DDX39A: variants seen among roughly 807,000 people sequenced by gnomAD.
DDX39A encodes ATP-dependent RNA helicase DDX39A.
A neutral mutation model predicts 46.3 loss-of-function variants in DDX39A; 13 were observed. The ratio of observed to expected loss-of-function variants is 0.28; its 90% CI spans 0.18 to 0.45. The LOEUF is 0.45. DDX39A is among the 20% of genes least tolerant of loss of function. The probability of loss-of-function intolerance (pLI) is 1.00; values close to 1 mark genes in which losing one functional copy is unlikely to be tolerated. For synonymous variants in DDX39A, 234 were observed against 224.6 expected, an observed-to-expected ratio of 1.04 and a Z score of -0.38; for missense variants, 352 against 581.8, an observed-to-expected ratio of 0.61 and a Z score of 4.06.
intron 1 of DDX39A, among the ~76,000 whole-genome samples, chr19:14,418,216 A>C (rs1266237859): frequency 6.6e-6 from 1 of 151,432 alleles, no homozygotes; most frequent in Non-Finnish European, 1.5e-5. Flanking sequence ...ACCGGGCTGG[A>C]CAGGATCTAA....
In DDX39A at chr19:14,409,547, G is replaced by C; in HGVS notation, c.963C>G (p.Ala321=). 6.2e-7 allele frequency: 1 copy of C among 1,609,604 alleles called. No individual in the cohort carries two copies. The highest frequency in any genetic ancestry group is 8.5e-7 in the Non-Finnish European group (1 of 1,178,630). The change falls in exon 8 of 11, where the codon GCC becomes GCG. Residue 321 remains alanine, a synonymous_variant. Transcript: ENST00000242776. This position sits in a 1 kb window ranked among gnomAD's most constrained non-coding sequence, Gnocchi z 8.3. ...CGGCTCGCACTCACCGCTCCTCCTG[G>C]GCCATGCCCCGGTGGATGGCGATGG... The part of the protein sequence containing the change: ...FPAIAIHRGM[A]QEERLSRYQQ...
At chr19:14,413,503 AATCCC>A (rs1339007766) in intron 1 of DDX39A, among the ~76,000 whole-genome samples, 2 of 151,858 alleles carry the variant, frequency 1.3e-5, no homozygotes, top group Non-Finnish European at 2.9e-5. Flanking sequence ...CAGGCCAGGC[AATCCC>A]CTTGGTTTGA....
rs1337280274 is a variant in DDX39A at position 14,409,836 on chromosome 19, G to C, written c.770C>G (p.Thr257Arg). Reference protein sequence around the residue: ...EVFVDDETKLTLHGLQQYYVK... With the variant: ...EVFVDDETKLRLHGLQQYYVK... ...GTAGTACTGCTGCAGGCCGTGCAGC[G>C]TGAGCTTGGTCTCGTCGTCCACAAA... The change falls in exon 7 of 11, where the codon ACG (threonine) becomes AGG (arginine). Residue 257 changes from threonine (T) to arginine (R), a missense_variant. Thr to Arg is a moderately conservative substitution (Grantham distance 71). Around this residue, in one of 3 missense-constraint regions of DDX39A, gnomAD observed 301 missense variants for 469.9 expected, o/e 0.64. Coordinates refer to ENST00000242776, the MANE Select transcript of DDX39A (RefSeq NM_005804.4). This position sits in a 1 kb window ranked among gnomAD's most constrained non-coding sequence, Gnocchi z 8.3. 1 of 1,614,126 alleles carries C rather than the reference G, an allele frequency of 6.2e-7. No individual in the cohort carries two copies. Among genetic ancestry groups the C allele is most frequent in the African/African-American group, 1.3e-5 (1 of 75,062 alleles).
chr19:14,418,874 C>T (rs1230801785), intron 1 of DDX39A: 5 of 455,982 alleles, frequency 1.1e-5, no homozygotes, highest in African/African-American at 4.0e-5. Flanking sequence ...CAAAGAAACC[C>T]CTGACAACTG....
intron 1 of DDX39A, chr19:14,414,031 A>G (rs1408471149): frequency 1.3e-5 from 2 of 152,038 alleles, no homozygotes; most frequent in Non-Finnish European, 2.9e-5. Flanking sequence ...GGTGCAAGGG[A>G]CCCAAACATG....
In DDX39A at chr19:14,410,557, C is replaced by T. The variant is rs973666201; in HGVS notation, c.614-223G>A. On this transcript the variant is annotated intron_variant, in intron 5 of 10. Transcript: ENST00000242776. The surrounding 1 kb of genome is among the most constrained non-coding windows in gnomAD (Gnocchi z 4.3). Reference sequence around the variant, plus strand: ...GCTGCAATCCACTTACACGCTGGCGCGGAGCAGCCGTGCCCGTGCGCCTCG... The same window carrying T: ...GCTGCAATCCACTTACACGCTGGCGTGGAGCAGCCGTGCCCGTGCGCCTCG... The T allele has an allele frequency of 5.3e-5, 30 of 568,890 alleles. No homozygotes were observed. The East Asian group carries it at 5.4e-4, about 10-fold the overall frequency. 35.2% of individuals were successfully genotyped at this position (568,890 alleles called of 1,614,324 possible).
rs865850947 is a variant in DDX39A at position 14,409,100 on chromosome 19, C to T, written c.1204G>A (p.Val402Ile). ...DENDAKILND[V>I]QDRFEVNVAE... ...ACATTAACTTCAAACCGGTCCTGGA[C>T]GTCATTGAGGATTTTGGCATCATTC... Residue 402 changes from valine to isoleucine, a missense_variant, in exon 10 of 11, where the codon GTC becomes ATC. This residue lies in a region of DDX39A where 301 missense variants were observed against 469.9 expected (regional missense o/e 0.64). Transcript: ENST00000242776. The surrounding 1 kb of genome is among the most constrained non-coding windows in gnomAD (Gnocchi z 8.3). The T allele has an allele frequency of 6.8e-6, 11 of 1,614,088 alleles. No homozygotes were observed. Among genetic ancestry groups the T allele is most frequent in the Non-Finnish European group, 7.6e-6 (9 of 1,180,042 alleles).
In DDX39A at chr19:14,413,051, C is replaced by A. The variant is rs1976658248; in HGVS notation, c.170G>T (p.Arg57Leu). ...CTCAAAGCCACAGTCCACGATGGCC[C>A]GCAGGAGCTCCGGCTTCAGCAGAAA... Reference protein sequence around the residue: ...RDFLLKPELLRAIVDCGFEHP... With the variant: ...RDFLLKPELLLAIVDCGFEHP... The change falls in exon 2 of 11, where the codon CGG (arginine) becomes CTG (leucine). Residue 57 changes from arginine (R) to leucine (L), a missense_variant. Transcript: ENST00000242776. 1 of 1,614,166 alleles carries A rather than the reference C, an allele frequency of 6.2e-7. No individual in the cohort carries two copies. The highest frequency in any genetic ancestry group is 8.5e-7 in the Non-Finnish European group (1 of 1,180,014).
At chr19:14,413,315 G>C in intron 1 of DDX39A, 91 bp from the exon 2 acceptor site, 1 of 1,189,898 alleles carries the variant, frequency 8.4e-7, no homozygotes, top group Non-Finnish European at 1.2e-6. Flanking sequence ...CTCCTTCCAT[G>C]AGTGAGCCCA....
intron 1 of DDX39A, among the ~76,000 whole-genome samples, chr19:14,416,915 T>G (rs941732336): frequency 8.5e-5 from 13 of 152,234 alleles, no homozygotes; most frequent in Admixed American, 8.5e-4. Context: ...ACTCCTGGAC[T>G]CAAGCAAACC....
At chr19:14,419,064 C>A (rs897019567) in intron 1 of DDX39A, 1 of 446,384 alleles carries the variant, frequency 2.2e-6, no homozygotes, top group Non-Finnish European at 4.5e-6. Context: ...CCGAGCACCG[C>A]GCGCCAACGG....
intron 1 of DDX39A, among the ~76,000 whole-genome samples, chr19:14,417,344 G>A (rs186252745): frequency 1.3e-5 from 2 of 152,186 alleles, no homozygotes; most frequent in Non-Finnish European, 2.9e-5. Flanking sequence ...GGGCAGGCCC[G>A]GCATGGTGCC....
intron 1 of DDX39A, among the ~76,000 whole-genome samples, chr19:14,417,159 G>A (rs533186377): frequency 6.6e-6 from 1 of 152,280 alleles, no homozygotes; most frequent in Non-Finnish European, 1.5e-5. Context: ...CAGGGTAGGG[G>A]CGTGAGGTAA....
Position 14,410,450 on chromosome 19 carries a change from G to T in DDX39A, c.614-116C>A. ...GCCAGGGAGCCAGTGGCACCGTGAC[G>T]AGGGCAGAGTGAGCCGCGGGAGTGG... On this transcript the variant is annotated intron_variant, in intron 5 of 10. Transcript: ENST00000242776. The surrounding 1 kb of genome is among the most constrained non-coding windows in gnomAD (Gnocchi z 4.3). 1 of 915,950 alleles carries T rather than the reference G, an allele frequency of 1.1e-6. No homozygotes were observed. Among genetic ancestry groups the T allele is most frequent in the Non-Finnish European group, 1.7e-6 (1 of 573,606 alleles). 56.7% of individuals were successfully genotyped at this position (915,950 alleles called of 1,614,324 possible).
Position 14,411,651 on chromosome 19 carries a change from T to G in DDX39A, c.337-53A>C. The G allele has an allele frequency of 6.5e-7, 1 of 1,531,688 alleles. No individual in the cohort carries two copies. The highest frequency in any genetic ancestry group is 9.0e-7 in the Non-Finnish European group (1 of 1,110,742). 94.9% of individuals were successfully genotyped at this position (1,531,688 alleles called of 1,614,324 possible). A position where few individuals can be genotyped will look rare whatever the true frequency, so the allele number is the denominator to read the frequency against. ...TACCTTAGGCAGTGTCCTAAACCCC[T>G]TCCCCACCAGAGTCCACCCAACCCA... On this transcript the variant is annotated intron_variant, in intron 3 of 10. Coordinates refer to ENST00000242776, the MANE Select transcript of DDX39A (RefSeq NM_005804.4). The surrounding 1 kb of genome is among the most constrained non-coding windows in gnomAD (Gnocchi z 4.1).
In DDX39A at chr19:14,411,711, T is replaced by C; in HGVS notation, c.337-113A>G. 2 of 911,328 alleles carry C rather than the reference T, an allele frequency of 2.2e-6. No individual in the cohort carries two copies. Among genetic ancestry groups the C allele is most frequent in the Non-Finnish European group, 3.5e-6 (2 of 577,844 alleles). 56.5% of individuals were successfully genotyped at this position (911,328 alleles called of 1,614,324 possible). On this transcript the variant is annotated intron_variant, in intron 3 of 10. Transcript: ENST00000242776. This position sits in a 1 kb window ranked among gnomAD's most constrained non-coding sequence, Gnocchi z 4.1. ...ACACTGCACCCAACATCACAGGCCA[T>C]TTGAAGGCCCGGTCCAAATGCCTCC...
chr19:14,413,321 G>T, intron 1 of DDX39A, 97 bp from the exon 2 acceptor site: 1 of 1,128,304 alleles, frequency 8.9e-7, no homozygotes, highest in Non-Finnish European at 1.3e-6. Context: ...CCATGAGTGA[G>T]CCCATCAGCT....
In DDX39A at chr19:14,412,942, G is replaced by A. The variant is rs1407867898; in HGVS notation, c.208+71C>T. On this transcript the variant is annotated intron_variant, in intron 2 of 10. Coordinates refer to ENST00000242776, the MANE Select transcript of DDX39A (RefSeq NM_005804.4). This position sits in a 1 kb window ranked among gnomAD's most constrained non-coding sequence, Gnocchi z 4.4. ...CCCACGGCAAACTGGAGGCGGCACC[G>A]CTCTGGGCGGGCAGGGCTGGTCTTG... The A allele has an allele frequency of 1.5e-5, 23 of 1,527,114 alleles. No homozygotes were observed. The highest frequency in any genetic ancestry group is 2.0e-5 in the Non-Finnish European group (22 of 1,122,554). The allele number at this position is 1,527,114 out of a possible 1,614,324, so 94.6% of individuals were successfully genotyped here. A position where few individuals can be genotyped will look rare whatever the true frequency, so the allele number is the denominator to read the frequency against.
rs1976525380 is a variant in DDX39A, at chr19:14,410,340, T to TGGGGA, written c.614-11_614-7dup. On this transcript the variant is annotated splice_polypyrimidine_tract_variant and splice_region_variant and intron_variant, in intron 5 of 10. Transcript: ENST00000242776. The surrounding 1 kb of genome is among the most constrained non-coding windows in gnomAD (Gnocchi z 4.3). Reference sequence around the variant, plus strand: ...CTGCACATCCCGCCGCATGTCTAGGTGGGGAGGGCAAGACATGGGTGGGCA... The same window carrying TGGGGA: ...CTGCACATCCCGCCGCATGTCTAGGTGGGGAGGGGAGGGCAAGACATGGGTGGGCA... The TGGGGA allele has an allele frequency of 6.2e-7, 1 of 1,612,242 alleles. No individual in the cohort carries two copies. Among genetic ancestry groups the TGGGGA allele is most frequent in the Non-Finnish European group, 8.5e-7 (1 of 1,178,564 alleles).
Sources: allele counts gnomAD v4.1 joint callset (sites outside exome capture counted in the v4.1 genomes callset), GRCh38; gene constraint gnomAD v4.1.1; regional missense constraint gnomAD v4.1.1; non-coding constraint Gnocchi (gnomAD v3.1); transcripts MANE v1.5; gene names NCBI Gene and HGNC (gene_info 2026-07-23, HGNC 2026-07-21).